The following ZNF223 variants were observed in gnomAD, a reference collection of about 807,000 sequenced individuals.
ZNF223 encodes the protein Homo sapiens zinc finger protein 223.
ZNF223 carries 9 observed loss-of-function variants against 12.3 expected under a neutral mutation model. That is an observed-to-expected ratio of 0.73 (90% CI 0.44 to 1.28). The LOEUF (loss-of-function observed/expected upper bound fraction) is 1.28. ZNF223 is among the 50% of genes most tolerant of loss of function. ZNF223 has a pLI of 0.00. For synonymous variants in ZNF223, 171 were observed against 195.2 expected (o/e 0.88, Z 1.03); for missense variants, 506 against 579.0 (o/e 0.87, Z 1.29).
intron 1 of ZNF223, among the ~76,000 whole-genome samples, chr19:44,054,172 C>CTTTTTT (rs57806070): frequency 1.5e-5 from 2 of 137,714 alleles, no homozygotes; most frequent in Non-Finnish European, 1.6e-5. Flanking sequence ...ATGCCCTTTT[C>CTTTTTT]TTTTTTTTTT....
Position 44,067,012 on chromosome 19 carries a change from C to G in ZNF223, c.1184C>G (p.Thr395Arg), listed in dbSNP as rs745684994. ...CTTGACTTGCACCATAGAGCCCACA[C>G]AGGAGAGAGACCTTATAACTGTGAT... ...SGLDLHHRAH[T>R]GERPYNCDDC... The change falls in exon 5 of 5, where the codon ACA (threonine) becomes AGA (arginine). Residue 395 changes from threonine to arginine, a missense_variant. Thr to Arg is a moderately conservative substitution (Grantham distance 71). Coordinates refer to ENST00000434772, the MANE Select transcript of ZNF223 (RefSeq NM_013361.6). 6.2e-7 allele frequency: 1 copy of G among 1,613,156 alleles called. No homozygotes were observed. The highest frequency in any genetic ancestry group is 8.5e-7 in the Non-Finnish European group (1 of 1,179,196).
At chr19:44,060,906 C>A in intron 4 of ZNF223, 65 bp downstream of exon 4, 1 of 1,428,654 alleles carries the variant, frequency 7.0e-7, no homozygotes, top group Non-Finnish European at 9.7e-7. Flanking sequence ...TGTGCACGTC[C>A]AACTCCATTA....
At chr19:44,063,073 T>G (rs533526667) in intron 4 of ZNF223, among the ~76,000 whole-genome samples, 77 of 152,204 alleles carry the variant, frequency 5.1e-4, no homozygotes, top group Non-Finnish European at 9.3e-4. Context: ...TGGAAGGAAT[T>G]GGGGAATTAC....
Position 44,066,663 on chromosome 19 carries a change from C to T in ZNF223, c.835C>T (p.Gln279Ter), listed in dbSNP as rs758648231. The change falls in exon 5 of 5, where the codon CAG (glutamine) becomes TAG (stop). Residue 279 changes from glutamine to a stop codon, truncating the protein, a stop_gained. Coordinates refer to ENST00000434772, the MANE Select transcript of ZNF223 (RefSeq NM_013361.6). LOFTEE classifies it low-confidence loss of function (END_TRUNC). ...FIHDFQLQKH[Q>*]RIHTGEKPFK... ...TCATGATTTCCAGCTTCAGAAACATCAGAGAATTCACACAGGGGAGAAGCC... is the reference window on the plus strand; with the variant it reads ...TCATGATTTCCAGCTTCAGAAACATTAGAGAATTCACACAGGGGAGAAGCC... The T allele has an allele frequency of 6.2e-7, 1 of 1,614,168 alleles. No individual in the cohort carries two copies. The highest frequency in any genetic ancestry group is 1.1e-5 in the South Asian group (1 of 91,084).
intron 2 of ZNF223, among the ~76,000 whole-genome samples, chr19:44,058,677 C>T (rs1976799280): frequency 6.6e-6 from 1 of 152,218 alleles, no homozygotes; most frequent in Non-Finnish European, 1.5e-5. Context: ...AAGCACAGAG[C>T]ACTTGTGTTT....
intron 2 of ZNF223, among the ~76,000 whole-genome samples, chr19:44,055,817 C>T (rs1175206938): frequency 6.6e-6 from 1 of 151,976 alleles, no homozygotes; most frequent in African/African-American, 2.4e-5. Context: ...GAAGATTGGC[C>T]AGTCACTTGT....
At chr19:44,060,648 C>T in intron 3 of ZNF223, 67 bp downstream of exon 3, 4 of 1,613,126 alleles carry the variant, frequency 2.5e-6, no homozygotes, top group East Asian at 2.2e-5. Flanking sequence ...CTAGGGTGTT[C>T]AAGTTTGAGT....
chr19:44,055,189 A>G lies in ZNF223; in HGVS notation c.13A>G (p.Lys5Glu). The G allele has an allele frequency of 6.2e-7, 1 of 1,613,324 alleles. No homozygotes were observed. The highest frequency in any genetic ancestry group is 8.5e-7 in the Non-Finnish European group (1 of 1,179,678). ...AGTAGGAGGAAAAATGACCATGTCC[A>G]AGGTAAGTAGGACTTGCCTCTCTTA... Reference protein sequence around the residue: MTMSKEAVTFKDVAV... With the variant: MTMSEEAVTFKDVAV... Residue 5 changes from lysine to glutamate, a missense_variant and splice_region_variant, in exon 2 of 5, where the codon AAG becomes GAG. By Grantham distance (56) the Lys-to-Glu change is moderately conservative. Coordinates refer to ENST00000434772, the MANE Select transcript of ZNF223 (RefSeq NM_013361.6).
In ZNF223 at chr19:44,065,345, C is replaced by T. The variant is rs539391116; in HGVS notation, c.236-719C>T. Among the ~76,000 whole-genome samples the T allele has an allele frequency of 2.3e-3, 346 of 152,248 alleles. 1 individual carries two copies. Among genetic ancestry groups the T allele is most frequent in the African/African-American group, 8.1e-3 (337 of 41,544 alleles). On this transcript the variant is annotated intron_variant, in intron 4 of 4. Coordinates refer to ENST00000434772, the MANE Select transcript of ZNF223 (RefSeq NM_013361.6). The stretch of plus-strand genomic sequence containing the variant: ...TTTATAAGGATATATAATATACAGG[C>T]AAATATACGAAGTATTTATTATGTT...
rs1976747931 is a variant in ZNF223 at position 44,055,101 on chromosome 19, C to CAATTCTGT, written c.-68-8_-68-7insAATTCTGT. On this transcript the variant is annotated splice_region_variant and splice_polypyrimidine_tract_variant and intron_variant, in intron 1 of 4. Coordinates refer to ENST00000434772, the MANE Select transcript of ZNF223 (RefSeq NM_013361.6). ...TGTCTCTTTTTCTGTCTTCATGGCA[C>CAATTCTGT]TTTCCAGGCACAATTCTGCTTTCCC... The CAATTCTGT allele has an allele frequency of 6.6e-7, 1 of 1,512,428 alleles. No homozygotes were observed. Among genetic ancestry groups the CAATTCTGT allele is most frequent in the African/African-American group, 1.4e-5 (1 of 72,998 alleles). 93.7% of individuals were successfully genotyped at this position (1,512,428 alleles called of 1,614,324 possible).
chr19:44,051,698 G>C (rs1215271442), upstream of ZNF223: 1 of 152,208 alleles, frequency 6.6e-6, no homozygotes, highest in Non-Finnish European at 1.5e-5. Flanking sequence ...GCACCATGTA[G>C]TCGCAACACT....
At position 44,067,175 on chromosome 19, in the gene ZNF223, CCA is replaced by C; in HGVS notation, c.1350_1351del (p.His450GlnfsTer9). Reference protein sequence around the residue: ...RSYRKDQQKNHSGENPSKCED... With the variant: ...RSYRKDQQKNXSGENPSKCED... Reference sequence around the variant, plus strand: ...CATACCGTAAAGACCAACAAAAAAACCACAGTGGAGAAAATCCATCCAAATGT... The same window carrying C: ...CATACCGTAAAGACCAACAAAAAAACCAGTGGAGAAAATCCATCCAAATGT... On this transcript the variant is annotated frameshift_variant, in exon 5 of 5. Transcript: ENST00000434772. LOFTEE classifies it low-confidence loss of function (END_TRUNC). 1 of 1,612,582 alleles carries C rather than the reference CCA, an allele frequency of 6.2e-7. No homozygotes were observed. Among genetic ancestry groups the C allele is most frequent in the Non-Finnish European group, 8.5e-7 (1 of 1,179,700 alleles).
chr19:44,061,687 A>T (rs907801570), intron 4 of ZNF223, among the ~76,000 whole-genome samples: 4 of 152,238 alleles, frequency 2.6e-5, no homozygotes, highest in Admixed American at 1.3e-4. Flanking sequence ...CTTGCTGTGT[A>T]ATGTGTCAGA....
At position 44,066,553 on chromosome 19, in the gene ZNF223, G is replaced by A. The variant is rs759004472; in HGVS notation, c.725G>A (p.Arg242Lys). 1.2e-6 allele frequency: 2 copies of A among 1,614,074 alleles called. No individual in the cohort carries two copies. The highest frequency in any genetic ancestry group is 2.7e-5 in the African/African-American group (2 of 74,952). The change falls in exon 5 of 5, where the codon AGA (arginine) becomes AAA (lysine). Residue 242 changes from arginine to lysine, a missense_variant. Physicochemically the swap from Arg to Lys is conservative, Grantham distance 26 (BLOSUM62 2). Transcript: ENST00000434772. Reference sequence around the variant, plus strand: ...TGTGAACAATGTGGGAGAGGCTTCAGATGTAGATCAGCACTTACAGTTCAT... The same window carrying A: ...TGTGAACAATGTGGGAGAGGCTTCAAATGTAGATCAGCACTTACAGTTCAT... ...FKCEQCGRGF[R>K]CRSALTVHCK...
chr19:44,056,089 C>T (rs1451575428), intron 2 of ZNF223, among the ~76,000 whole-genome samples: 2 of 152,098 alleles, frequency 1.3e-5, no homozygotes, highest in African/African-American at 4.8e-5. Context: ...CCCTGTCCTG[C>T]GTTGGTGTGA....
rs547402349 is a variant in ZNF223 at position 44,054,184 on chromosome 19, T to G, written c.-68-925T>G. On this transcript the variant is annotated intron_variant, in intron 1 of 4. Coordinates refer to ENST00000434772, the MANE Select transcript of ZNF223 (RefSeq NM_013361.6). ...AAGATGCCCTTTTCTTTTTTTTTTT[T>G]TTTGTTTGAGACAGTTTTGCTCTTG... Among the ~76,000 whole-genome samples the G allele has an allele frequency of 3.3e-5, 5 of 152,026 alleles. No homozygotes were observed. In the South Asian group the frequency reaches 1.0e-3, roughly 32 times the overall value.
At chr19:44,056,756 C>T (rs919479623) in intron 2 of ZNF223, among the ~76,000 whole-genome samples, 9 of 151,438 alleles carry the variant, frequency 5.9e-5, no homozygotes, top group African/African-American at 9.7e-5. Context: ...ACCACACACC[C>T]GGCTAATTTT....
chr19:44,066,701 G>T lies in ZNF223; in HGVS notation c.873G>T (p.Glu291Asp), dbSNP rs755219045. Reference protein sequence around the residue: ...IHTGEKPFKCEICSVSFRLRS... With the variant: ...IHTGEKPFKCDICSVSFRLRS... ...CAGGGGAGAAGCCATTCAAATGTGA[G>T]ATATGTAGTGTGAGCTTCCGTCTTA... Residue 291 changes from glutamate to aspartate, a missense_variant, in exon 5 of 5, where the codon GAG becomes GAT. Transcript: ENST00000434772. The T allele has an allele frequency of 8.7e-6, 14 of 1,614,078 alleles. No individual in the cohort carries two copies. Among genetic ancestry groups the T allele is most frequent in the Non-Finnish European group, 8.5e-7 (1 of 1,180,046 alleles).
In ZNF223 at chr19:44,059,003, C is replaced by T. The variant is rs1976803757; in HGVS notation, c.16-1452C>T. ...CTTTCCAGGCATGACATTGCCCACC[C>T]TGTATCTGGGTCACCCTCCAAACCA... On this transcript the variant is annotated intron_variant, in intron 2 of 4. Transcript: ENST00000434772. Among the ~76,000 whole-genome samples, 3 of 152,190 alleles carry T rather than the reference C, an allele frequency of 2.0e-5. No individual in the cohort carries two copies. In the South Asian group the frequency reaches 6.2e-4, roughly 32 times the overall value.
Sources: gnomAD v4.1 joint callset for allele counts (sites outside exome capture counted in the v4.1 genomes callset) on GRCh38, gnomAD v4.1.1 for gene constraint, MANE v1.5 for transcripts, NCBI Gene and HGNC (gene_info 2026-07-23, HGNC 2026-07-21) for gene names.